Variants in OSBP2 observed in about 807,000 individuals in gnomAD.
OSBP2 encodes oxysterol-binding protein 2.
Under a neutral mutation model 96.0 loss-of-function variants are expected in OSBP2, and 66 were observed. That is an observed-to-expected ratio of 0.69 (90% confidence interval 0.56 to 0.84). OSBP2 has a LOEUF of 0.84. OSBP2 is among the 40% of genes least tolerant of loss of function. The probability of loss-of-function intolerance (pLI) is 0.00; values close to 1 mark genes in which losing one functional copy is unlikely to be tolerated. For missense variants in OSBP2, 1,038 were observed against 1,222.7 expected (o/e 0.85, Z 2.25); for synonymous variants, 525 against 520.9 (o/e 1.01, Z -0.11).
chr22:30,758,898 G>A (rs1336221020), intron 2 of OSBP2, among the ~76,000 whole-genome samples: 1 of 152,162 alleles, frequency 6.6e-6, no homozygotes, highest in African/African-American at 2.4e-5. Flanking sequence ...TTGGGAAAGT[G>A]ACCCCATAAC....
At chr22:30,763,280 A>C (rs1409001791) in intron 2 of OSBP2, among the ~76,000 whole-genome samples, 1 of 152,140 alleles carries the variant, frequency 6.6e-6, no homozygotes, top group Non-Finnish European at 1.5e-5. Flanking sequence ...AATGAGAATG[A>C]CTTTTGGGTG....
intron 3 of OSBP2, among the ~76,000 whole-genome samples, chr22:30,877,593 C>T (rs1389291960): frequency 6.6e-6 from 1 of 152,200 alleles, no homozygotes; most frequent in Non-Finnish European, 1.5e-5. Flanking sequence ...GCTGCGGGAG[C>T]AGGTTCCGTC....
intron 12 of OSBP2, among the ~76,000 whole-genome samples, chr22:30,905,431 C>T (rs572193014): frequency 5.0e-4 from 76 of 151,546 alleles, no homozygotes; most frequent in African/African-American, 1.7e-3. Flanking sequence ...CGTGAGCCAC[C>T]GTGCCCAGCG....
chr22:30,892,453 AGGGCAGCTGGAGGCCAG>A (rs1244352220), intron 8 of OSBP2, among the ~76,000 whole-genome samples: 1 of 151,918 alleles, frequency 6.6e-6, no homozygotes, highest in Non-Finnish European at 1.5e-5. Flanking sequence ...GAGATGTCCA[AGGGCAGCTGGAGGCCAG>A]GGGCAGGGCT....
At chr22:30,741,091 G>A in intron 1 of OSBP2, 70 bp from the exon 2 acceptor site, 1 of 1,224,034 alleles carries the variant, frequency 8.2e-7, no homozygotes, top group Non-Finnish European at 1.2e-6. Flanking sequence ...GGATTTGCCT[G>A]GAGGGTTTCT....
chr22:30,786,088 A>G (rs992027915), intron 2 of OSBP2, among the ~76,000 whole-genome samples: 1 of 151,916 alleles, frequency 6.6e-6, no homozygotes, highest in African/African-American at 2.4e-5. Flanking sequence ...CAATGGCACA[A>G]TCTCGGCTCA....
chr22:30,883,622 T>C (rs751504712), intron 3 of OSBP2, among the ~76,000 whole-genome samples: 4 of 152,188 alleles, frequency 2.6e-5, no homozygotes, highest in Non-Finnish European at 5.9e-5. Flanking sequence ...AAGCTCTCAG[T>C]TGAGGACCTG....
chr22:30,852,675 G>T lies in OSBP2; in HGVS notation c.854-17754G>T, dbSNP rs529445679. Among the ~76,000 whole-genome samples, 218 of 151,876 alleles carry T rather than the reference G, an allele frequency of 1.4e-3. 1 individual carries two copies. Among genetic ancestry groups the T allele is most frequent in the African/African-American group, 5.0e-3 (207 of 41,450 alleles). On this transcript the variant is annotated intron_variant, in intron 2 of 13. Transcript: ENST00000332585. The stretch of plus-strand genomic sequence containing the variant: ...ATCTCTATTTTATTCTACTCACTTT[G>T]AATATAATTTACTCCTCTTTTTCTA...
intron 2 of OSBP2, among the ~76,000 whole-genome samples, chr22:30,857,945 G>A (rs2039111748): frequency 6.6e-6 from 1 of 152,182 alleles, no homozygotes; most frequent in Non-Finnish European, 1.5e-5. Context: ...AAATGTCGCT[G>A]AAGGGCCTCC....
chr22:30,777,994 T>TTTTA (rs1006027934), intron 2 of OSBP2, among the ~76,000 whole-genome samples: 6 of 151,864 alleles, frequency 4.0e-5, no homozygotes, highest in Non-Finnish European at 5.9e-5. Context: ...AAGGAGCTTA[T>TTTTA]TTTATTTATT....
intron 3 of OSBP2, among the ~76,000 whole-genome samples, chr22:30,873,521 C>A (rs909970996): frequency 1.3e-5 from 2 of 152,130 alleles, no homozygotes; most frequent in Non-Finnish European, 2.9e-5. Flanking sequence ...GAAATCATCA[C>A]CCCCAATCTC....
At chr22:30,785,633 T>G (rs2090577737) in intron 2 of OSBP2, among the ~76,000 whole-genome samples, 1 of 151,904 alleles carries the variant, frequency 6.6e-6, no homozygotes, top group Non-Finnish European at 1.5e-5. Context: ...CTAAATTTTA[T>G]AGAGGTTAGT....
Position 30,893,448 on chromosome 22 carries a change from G to C in OSBP2, c.1991-15G>C. On this transcript the variant is annotated splice_polypyrimidine_tract_variant and intron_variant, in intron 9 of 13. Coordinates refer to ENST00000332585, the MANE Select transcript of OSBP2 (RefSeq NM_030758.4). The stretch of plus-strand genomic sequence containing the variant: ...CATGGGGGGGCATGACCTCTGACCT[G>C]TCCCCTGCCTCCAGGTGCCATCCAC... 1 of 1,608,704 alleles carries C rather than the reference G, an allele frequency of 6.2e-7. No homozygotes were observed. The highest frequency in any genetic ancestry group is 8.5e-7 in the Non-Finnish European group (1 of 1,175,070).
upstream of OSBP2, among the ~76,000 whole-genome samples, chr22:30,694,617 C>G (rs1413942325): frequency 2.1e-5 from 1 of 48,640 alleles, no homozygotes; most frequent in African/African-American, 9.2e-5. Flanking sequence ...TGGCCTGAAG[C>G]GCGCCATCCC....
At chr22:30,858,134 TGTTTGTTTGTTTGTTTG>T (rs2039119210) in intron 2 of OSBP2, among the ~76,000 whole-genome samples, 4 of 100,168 alleles carry the variant, frequency 4.0e-5, no homozygotes, top group African/African-American at 1.7e-4. Context: ...TTTTTTTGTT[TGTTTGTTTGTTTGTTTG>T]TTTTTTGAGA....
intron 1 of OSBP2, among the ~76,000 whole-genome samples, chr22:30,738,347 C>T (rs1164600265): frequency 2.0e-5 from 3 of 152,038 alleles, no homozygotes; most frequent in Non-Finnish European, 2.9e-5. Context: ...CAATTTCTAG[C>T]CTAAAATGTC....
At chr22:30,764,030 G>T (rs542186691) in intron 2 of OSBP2, among the ~76,000 whole-genome samples, 1 of 152,184 alleles carries the variant, frequency 6.6e-6, no homozygotes. Context: ...AAATCTCTCC[G>T]TACCTGTGAG....
chr22:30,828,875 C>G (rs554942418), intron 2 of OSBP2, among the ~76,000 whole-genome samples: 5 of 152,134 alleles, frequency 3.3e-5, no homozygotes, highest in African/African-American at 1.2e-4. Context: ...TTCATGCCAA[C>G]CCTGAGCCCC....
At chr22:30,841,279 C>T (rs1231402868) in intron 2 of OSBP2, among the ~76,000 whole-genome samples, 1 of 152,088 alleles carries the variant, frequency 6.6e-6, no homozygotes, top group Non-Finnish European at 1.5e-5. Flanking sequence ...CATTTTTATC[C>T]CTCCTGAAAT....
Sources: gnomAD v4.1 joint callset for allele counts (sites outside exome capture counted in the v4.1 genomes callset) on GRCh38, gnomAD v4.1.1 for gene constraint, MANE v1.5 for transcripts, NCBI Gene and HGNC (gene_info 2026-07-23, HGNC 2026-07-21) for gene names.